Variants in PLCB1 observed in about 807,000 individuals in gnomAD.
PLCB1 encodes phospholipase C beta 1.
PLCB1 carries 46 observed loss-of-function variants against 161.8 expected under a neutral mutation model. The ratio of observed to expected loss-of-function variants is 0.28; its 90% CI spans 0.22 to 0.36. The LOEUF is 0.36. Ranked by LOEUF, PLCB1 falls within the 10% of genes least tolerant of loss-of-function variation. PLCB1 has a pLI of 1.00. For synonymous variants in PLCB1, 517 were observed against 503.7 expected, an observed-to-expected ratio of 1.03 and a Z score of -0.35; for missense variants, 1,016 against 1,472.5, an observed-to-expected ratio of 0.69 and a Z score of 5.07.
intron 3 of PLCB1, among the ~76,000 whole-genome samples, chr20:8,392,717 G>A (rs1987646186): frequency 6.6e-6 from 1 of 152,130 alleles, no homozygotes; most frequent in Non-Finnish European, 1.5e-5. Flanking sequence ...AAGGAACTTA[G>A]GAATGTATAC....
chr20:8,587,455 G>A (rs979378855), intron 3 of PLCB1, among the ~76,000 whole-genome samples: 2 of 152,120 alleles, frequency 1.3e-5, no homozygotes, highest in Non-Finnish European at 2.9e-5. Flanking sequence ...ATGATATACA[G>A]CAGCTTATAC....
At chr20:8,280,698 A>G (rs1600284299) in intron 2 of PLCB1, among the ~76,000 whole-genome samples, 1 of 152,290 alleles carries the variant, frequency 6.6e-6, no homozygotes, top group East Asian at 1.9e-4. Context: ...CCACTTTGAA[A>G]CCCTGTTTTT....
intron 3 of PLCB1, among the ~76,000 whole-genome samples, chr20:8,589,880 A>C (rs572162642): frequency 2.6e-5 from 4 of 151,912 alleles, no homozygotes; most frequent in Admixed American, 2.6e-4. Context: ...CAGCCTCCCA[A>C]AGGGCAGGGA....
In PLCB1 at chr20:8,640,019, C is replaced by T. The variant is rs370863690; in HGVS notation, c.385-6083C>T. Among the ~76,000 whole-genome samples, 113 of 152,106 alleles carry T rather than the reference C, an allele frequency of 7.4e-4. 1 individual carries two copies. The highest frequency in any genetic ancestry group is 1.0e-3 in the South Asian group (5 of 4,826). On this transcript the variant is annotated intron_variant, in intron 4 of 31. Coordinates refer to ENST00000338037, the MANE Select transcript of PLCB1 (RefSeq NM_015192.4). Reference sequence around the variant, plus strand: ...GTTCTTATAGCAGAGGAAGAACTAACGGGATTGAGTTACCAAGGGCAAAAT... The same window carrying T: ...GTTCTTATAGCAGAGGAAGAACTAATGGGATTGAGTTACCAAGGGCAAAAT...
chr20:8,821,323 A>T (rs1189427354), intron 31 of PLCB1, among the ~76,000 whole-genome samples: 1 of 150,916 alleles, frequency 6.6e-6, no homozygotes, highest in African/African-American at 2.4e-5. Context: ...TACTAAAAAT[A>T]TAAAAATTAG....
At chr20:8,532,342 C>T (rs934637592) in intron 3 of PLCB1, among the ~76,000 whole-genome samples, 4 of 152,176 alleles carry the variant, frequency 2.6e-5, no homozygotes, top group Admixed American at 2.6e-4. Context: ...GTCAGGTACA[C>T]ATTTTGGTTG....
chr20:8,464,761 T>G (rs1267634461), intron 3 of PLCB1, among the ~76,000 whole-genome samples: 1 of 152,148 alleles, frequency 6.6e-6, no homozygotes, highest in Non-Finnish European at 1.5e-5. Flanking sequence ...TGTATAAAAG[T>G]AACACTGACC....
intron 2 of PLCB1, among the ~76,000 whole-genome samples, chr20:8,193,937 T>C (rs548774528): frequency 1.3e-5 from 2 of 152,060 alleles, no homozygotes; most frequent in East Asian, 3.9e-4. Context: ...CTTTCCAATA[T>C]AGATGTGATG....
At chr20:8,329,237 C>G (rs1447165425) in intron 2 of PLCB1, among the ~76,000 whole-genome samples, 2 of 151,964 alleles carry the variant, frequency 1.3e-5, no homozygotes, top group African/African-American at 4.8e-5. Context: ...ACCAGATGTG[C>G]TTGGAAGTGA....
At chr20:8,304,798 T>C (rs1984061333) in intron 2 of PLCB1, among the ~76,000 whole-genome samples, 1 of 152,104 alleles carries the variant, frequency 6.6e-6, no homozygotes, top group South Asian at 2.1e-4. Flanking sequence ...TTACTAGGAT[T>C]ATCCCATTTT....
At chr20:8,259,737 A>T (rs1981600834) in intron 2 of PLCB1, among the ~76,000 whole-genome samples, 1 of 152,208 alleles carries the variant, frequency 6.6e-6, no homozygotes, top group African/African-American at 2.4e-5. Flanking sequence ...TGCTGCTTAA[A>T]TCCAAAATAT....
chr20:8,678,782 A>G (rs778032656), intron 9 of PLCB1, among the ~76,000 whole-genome samples: 1 of 152,176 alleles, frequency 6.6e-6, no homozygotes, highest in Non-Finnish European at 1.5e-5. Flanking sequence ...GGGCAGCAGA[A>G]TGGTAGAAAG....
intron 31 of PLCB1, among the ~76,000 whole-genome samples, chr20:8,863,858 T>C (rs1987337276): frequency 1.3e-5 from 2 of 152,152 alleles, no homozygotes; most frequent in Non-Finnish European, 2.9e-5. Context: ...ATTATACTTA[T>C]AATCATTTTT....
intron 3 of PLCB1, among the ~76,000 whole-genome samples, chr20:8,463,267 A>C (rs2122691942): frequency 6.6e-6 from 1 of 151,786 alleles, no homozygotes. Context: ...CAAAGATTCA[A>C]AGAATAATAA....
intron 9 of PLCB1, among the ~76,000 whole-genome samples, chr20:8,665,899 C>A (rs1487420716): frequency 6.6e-6 from 1 of 152,072 alleles, no homozygotes; most frequent in Admixed American, 6.6e-5. Context: ...GCTTCAGGTT[C>A]TTCATCTGTA....
chr20:8,409,667 T>C (rs1419810580), intron 3 of PLCB1, among the ~76,000 whole-genome samples: 1 of 151,968 alleles, frequency 6.6e-6, no homozygotes, highest in East Asian at 1.9e-4. Flanking sequence ...TTCACCATGT[T>C]GGCCAGGCTG....
chr20:8,350,200 C>G (rs1986137781), intron 2 of PLCB1, among the ~76,000 whole-genome samples: 1 of 152,134 alleles, frequency 6.6e-6, no homozygotes, highest in African/African-American at 2.4e-5. Flanking sequence ...GGTATTAAGC[C>G]AAGCATCCAT....
chr20:8,684,229 A>ATTATTTATTTATTTAT (rs111508342), intron 9 of PLCB1, among the ~76,000 whole-genome samples: 6 of 145,234 alleles, frequency 4.1e-5, no homozygotes, highest in South Asian at 2.3e-4. Flanking sequence ...CCACTTGTAA[A>ATTATTTATTTATTTAT]TTATTTATTT....
At chr20:8,643,757 CTCTCCCTCTCCCTCTCCCTCTT>C (rs1568542985) in intron 4 of PLCB1, among the ~76,000 whole-genome samples, 2 of 145,822 alleles carry the variant, frequency 1.4e-5, no homozygotes, top group South Asian at 2.2e-4. Flanking sequence ...CTCCCTCTCC[CTCTCCCTCTCCCTCTCCCTCTT>C]TCTCCCTCTC....
Sources: allele counts gnomAD v4.1 joint callset (sites outside exome capture counted in the v4.1 genomes callset), GRCh38; gene constraint gnomAD v4.1.1; transcripts MANE v1.5; gene names NCBI Gene and HGNC (gene_info 2026-07-23, HGNC 2026-07-21).